EMSY: variants seen among roughly 807,000 people sequenced by gnomAD.
The protein encoded by EMSY is BRCA2-interacting transcriptional repressor EMSY.
A neutral mutation model predicts 134.6 loss-of-function variants in EMSY; 26 were observed. That is an observed-to-expected ratio of 0.19 (90% CI 0.14 to 0.27). EMSY has a LOEUF of 0.27. Ranked by LOEUF, EMSY falls within the 10% of genes least tolerant of loss-of-function variation. EMSY has a pLI of 1.00. For synonymous variants in EMSY, 579 were observed against 577.8 expected (o/e 1.00, Z -0.03); for missense variants, 1,305 against 1,611.4 (o/e 0.81, Z 3.26).
At chr11:76,478,340 ATTT>A (rs371584435) in intron 8 of EMSY, among the ~76,000 whole-genome samples, 5 of 122,550 alleles carry the variant, frequency 4.1e-5, no homozygotes, top group Non-Finnish European at 5.1e-5. Context: ...CATGTGAATA[ATTT>A]TTTTTTTTTT....
At chr11:76,471,012 A>G (rs551749978) in intron 7 of EMSY, among the ~76,000 whole-genome samples, 2 of 152,010 alleles carry the variant, frequency 1.3e-5, no homozygotes, top group Non-Finnish European at 2.9e-5. Context: ...TCCATTCTTC[A>G]TATCAATATA....
chr11:76,504,622 T>A (rs1950002912), intron 9 of EMSY, among the ~76,000 whole-genome samples: 1 of 152,172 alleles, frequency 6.6e-6, no homozygotes, highest in African/African-American at 2.4e-5. Flanking sequence ...CACGTCAGTT[T>A]ATCAAACAAT....
chr11:76,478,304 A>G lies in EMSY; in HGVS notation c.1108+5464A>G, dbSNP rs1342279239. On this transcript the variant is annotated intron_variant, in intron 8 of 20. Coordinates refer to ENST00000334736, the Ensembl canonical transcript of EMSY. The stretch of plus-strand genomic sequence containing the variant: ...CCACTATACCACAATAGCACTTTCT[A>G]TTTTCTATATTATTACCTTTTTACC... 6.1e-5 allele frequency among the ~76,000 whole-genome samples: 9 copies of G among 146,416 alleles called. No individual in the cohort carries two copies. In the East Asian group the frequency reaches 1.4e-3, roughly 23 times the overall value.
chr11:76,472,951 C>A, intron 8 of EMSY, 111 bp downstream of exon 9: 1 of 1,106,074 alleles, frequency 9.0e-7, no homozygotes, highest in Non-Finnish European at 1.3e-6. Flanking sequence ...ACTATTAGAC[C>A]CAAGATCACC....
intron 8 of EMSY, among the ~76,000 whole-genome samples, chr11:76,483,097 T>G (rs1565302643): frequency 6.6e-6 from 1 of 152,186 alleles, no homozygotes; most frequent in Non-Finnish European, 1.5e-5. Flanking sequence ...TGGCCAAAAT[T>G]GAACATTCTT....
At chr11:76,484,200 A>G (rs541440356) in intron 8 of EMSY, among the ~76,000 whole-genome samples, 116 of 152,330 alleles carry the variant, frequency 7.6e-4, no homozygotes, top group Middle Eastern at 3.4e-3. Flanking sequence ...TTTGAAACCA[A>G]TGAGAACAAA....
intron 9 of EMSY, among the ~76,000 whole-genome samples, chr11:76,500,181 A>G (rs1949807592): frequency 6.6e-6 from 1 of 152,036 alleles, no homozygotes; most frequent in South Asian, 2.1e-4. Flanking sequence ...AAATAATTTT[A>G]TCTTTCTAGT....
At chr11:76,535,635 A>G (rs928780858) in intron 14 of EMSY, among the ~76,000 whole-genome samples, 1 of 152,100 alleles carries the variant, frequency 6.6e-6, no homozygotes, top group Non-Finnish European at 1.5e-5. Flanking sequence ...GAGCTCCTTT[A>G]TATCTTCAAT....
chr11:76,479,848 G>A (rs946745711), intron 8 of EMSY, among the ~76,000 whole-genome samples: 12 of 152,168 alleles, frequency 7.9e-5, no homozygotes, highest in African/African-American at 1.9e-4. Flanking sequence ...TTTCGATCAC[G>A]TATTGAAAAA....
chr11:76,518,127 T>C (rs1376041922), intron 11 of EMSY, among the ~76,000 whole-genome samples: 1 of 151,938 alleles, frequency 6.6e-6, no homozygotes, highest in African/African-American at 2.4e-5. Context: ...AGATGCTTTT[T>C]CTAGGGTCCC....
At chr11:76,523,234 AACG>A in exon 12 of EMSY, 1 of 1,613,916 alleles carries the variant, frequency 6.2e-7, no homozygotes, top group Non-Finnish European at 8.5e-7. Context: ...CAGGAAAAGG[AACG>A]ACCATTCAAG....
intron 11 of EMSY, among the ~76,000 whole-genome samples, chr11:76,518,487 A>G (rs1162878897): frequency 6.6e-6 from 1 of 151,584 alleles, no homozygotes; most frequent in Admixed American, 6.6e-5. Flanking sequence ...AAATACACTC[A>G]AACATCTAGC....
chr11:76,481,257 A>G (rs1374461402), intron 8 of EMSY, among the ~76,000 whole-genome samples: 2 of 152,008 alleles, frequency 1.3e-5, no homozygotes, highest in Non-Finnish European at 2.9e-5. Context: ...GTTAGCCAGG[A>G]TGGTCTCGAT....
At chr11:76,545,999 T>C (rs759560946) in exon 20 of EMSY, 2 of 1,614,152 alleles carry the variant, frequency 1.2e-6, no homozygotes, top group Admixed American at 1.7e-5. Flanking sequence ...GAAGCTCAGA[T>C]TGATACAAAT....
At chr11:76,460,198 T>C in intron 6 of EMSY, 113 bp downstream of exon 7, 1 of 1,273,986 alleles carries the variant, frequency 7.8e-7, no homozygotes, top group South Asian at 1.4e-5. Context: ...TGTTAGTAGG[T>C]TAGTTTTTGA....
chr11:76,520,261 T>A (rs1334691582), intron 11 of EMSY, among the ~76,000 whole-genome samples: 1 of 152,184 alleles, frequency 6.6e-6, no homozygotes, highest in Non-Finnish European at 1.5e-5. Flanking sequence ...CACATTTTGT[T>A]AAACTTGTGG....
chr11:76,526,360 C>T, intron 12 of EMSY, 102 bp from the exon 14 acceptor site: 2 of 818,248 alleles, frequency 2.4e-6, no homozygotes, highest in Non-Finnish European at 3.5e-6. Flanking sequence ...ATCTACAGCC[C>T]TTTTTTCATC....
At chr11:76,539,376 A>T (rs570059725) in intron 16 of EMSY, among the ~76,000 whole-genome samples, 1 of 152,290 alleles carries the variant, frequency 6.6e-6, no homozygotes, top group South Asian at 2.1e-4. Context: ...TCATTTTAGG[A>T]GATAATATTA....
chr11:76,529,460 T>A (rs1457139002), intron 14 of EMSY, among the ~76,000 whole-genome samples: 1 of 152,172 alleles, frequency 6.6e-6, no homozygotes, highest in Non-Finnish European at 1.5e-5. Context: ...TTAATTCAAT[T>A]TGACAATTAT....
Sources: gnomAD v4.1 joint callset for allele counts (sites outside exome capture counted in the v4.1 genomes callset) on GRCh38, gnomAD v4.1.1 for gene constraint, MANE v1.5 for transcripts, NCBI Gene and HGNC (gene_info 2026-07-23, HGNC 2026-07-21) for gene names.